Variants in GLDC observed in about 807,000 individuals in gnomAD.
GLDC encodes glycine decarboxylase, also known as glycine dehydrogenase (decarboxylating), mitochondrial.
Under a neutral mutation model 121.3 loss-of-function variants are expected in GLDC, and 104 were observed. The observed-to-expected ratio is 0.86, with a 90% CI of 0.73 to 1.01. GLDC has a LOEUF of 1.01. GLDC is among the 50% of genes least tolerant of loss of function. The pLI is 0.00. For synonymous variants in GLDC, 546 were observed against 480.6 expected, an observed-to-expected ratio of 1.14 and a Z score of -1.78; for missense variants, 1,429 against 1,306.6, an observed-to-expected ratio of 1.09 and a Z score of -1.44.
At chr9:6,537,745 A>G (rs557901558) in intron 22 of GLDC, among the ~76,000 whole-genome samples, 68 of 152,154 alleles carry the variant, frequency 4.5e-4, no homozygotes, top group African/African-American at 1.5e-3. Context: ...ACAACACTGC[A>G]CTCCAGCCTG....
At chr9:6,581,486 C>A (rs948083928) in intron 15 of GLDC, among the ~76,000 whole-genome samples, 1 of 152,236 alleles carries the variant, frequency 6.6e-6, no homozygotes, top group Non-Finnish European at 1.5e-5. Flanking sequence ...CACAAGCATA[C>A]CAGAGGCATA....
intron 3 of GLDC, among the ~76,000 whole-genome samples, chr9:6,617,197 C>T (rs1479446277): frequency 2.0e-5 from 3 of 152,106 alleles, no homozygotes; most frequent in African/African-American, 4.8e-5. Context: ...TCCCTATCAG[C>T]GCTGGTGGGG....
chr9:6,551,740 C>T (rs746576369), intron 20 of GLDC, among the ~76,000 whole-genome samples: 3 of 151,570 alleles, frequency 2.0e-5, no homozygotes, highest in East Asian at 3.9e-4. Flanking sequence ...AGAAGGTATA[C>T]CAGGTGAGAA....
intron 21 of GLDC, among the ~76,000 whole-genome samples, chr9:6,549,359 G>A (rs189262920): frequency 2.8e-5 from 4 of 143,490 alleles, no homozygotes; most frequent in East Asian, 2.3e-4. Flanking sequence ...GGGTGGGGTC[G>A]GGGGTGGGCA....
chr9:6,616,153 G>A (rs1818963670), intron 3 of GLDC, among the ~76,000 whole-genome samples: 1 of 151,988 alleles, frequency 6.6e-6, no homozygotes, highest in Admixed American at 6.6e-5. Flanking sequence ...AGTTTTTTTC[G>A]TTTTCATCTT....
intron 8 of GLDC, among the ~76,000 whole-genome samples, chr9:6,597,179 A>T (rs1336803231): frequency 1.3e-5 from 2 of 152,216 alleles, no homozygotes; most frequent in Non-Finnish European, 2.9e-5. Flanking sequence ...ATCCAGGGAG[A>T]CAGAAAGTAG....
At chr9:6,544,244 G>T (rs1267355355) in intron 21 of GLDC, among the ~76,000 whole-genome samples, 1 of 152,140 alleles carries the variant, frequency 6.6e-6, no homozygotes, top group African/African-American at 2.4e-5. Flanking sequence ...GTTTCCCCGA[G>T]AATGAGGTCA....
At chr9:6,611,832 T>A (rs927662316) in intron 3 of GLDC, among the ~76,000 whole-genome samples, 4 of 152,178 alleles carry the variant, frequency 2.6e-5, no homozygotes, top group African/African-American at 7.2e-5. Context: ...ATGTGTGTAT[T>A]CCTGCATGTG....
chr9:6,620,090 T>C (rs1030717536), intron 3 of GLDC, 94 bp downstream of exon 3: 2 of 1,218,532 alleles, frequency 1.6e-6, no homozygotes, highest in South Asian at 1.2e-5. Flanking sequence ...TGGGTGTCAG[T>C]GTGGAGGCTC....
intron 15 of GLDC, among the ~76,000 whole-genome samples, chr9:6,575,034 T>G (rs1449798140): frequency 1.3e-5 from 2 of 152,016 alleles, no homozygotes; most frequent in Non-Finnish European, 2.9e-5. Context: ...AGTTTTTTGC[T>G]TAAAAACTCT....
chr9:6,542,328 T>G (rs1455697334), intron 21 of GLDC: 1 of 152,244 alleles, frequency 6.6e-6, no homozygotes, highest in African/African-American at 2.4e-5. Flanking sequence ...AGCCTTGACC[T>G]CCTGGGCCCA....
chr9:6,608,484 T>C (rs373385749), intron 4 of GLDC, among the ~76,000 whole-genome samples: 1 of 149,628 alleles, frequency 6.7e-6, no homozygotes, highest in East Asian at 2.0e-4. Context: ...CTCACGCCTA[T>C]AATCCCAGCA....
At chr9:6,542,766 G>T (rs1224170793) in intron 21 of GLDC, among the ~76,000 whole-genome samples, 1 of 151,120 alleles carries the variant, frequency 6.6e-6, no homozygotes, top group Non-Finnish European at 1.5e-5. Flanking sequence ...CCTGCCTGTA[G>T]TACCAGCTAC....
intron 10 of GLDC, 55 bp downstream of exon 10, chr9:6,592,796 G>A (rs1233597144): frequency 7.9e-6 from 12 of 1,524,746 alleles, no homozygotes; most frequent in Non-Finnish European, 2.7e-6. Flanking sequence ...ACCTTTTAAT[G>A]AGAAACAATG....
intron 20 of GLDC, among the ~76,000 whole-genome samples, chr9:6,551,501 G>C (rs1817513387): frequency 6.6e-6 from 1 of 152,148 alleles, no homozygotes; most frequent in South Asian, 2.1e-4. Flanking sequence ...TCTTCCCAGA[G>C]TACCTCACAT....
At chr9:6,595,810 C>T (rs565371922) in intron 8 of GLDC, among the ~76,000 whole-genome samples, 2 of 152,246 alleles carry the variant, frequency 1.3e-5, no homozygotes, top group East Asian at 3.9e-4. Context: ...GCCCGGTTGA[C>T]AATACAAAAC....
chr9:6,605,930 A>G (rs2129900808), intron 5 of GLDC: 1 of 160,858 alleles, frequency 6.2e-6, no homozygotes, highest in Admixed American at 5.9e-5. Flanking sequence ...AAATCTTAAC[A>G]GTTGTATGTG....
At chr9:6,590,818 G>A (rs560856702) in intron 11 of GLDC, among the ~76,000 whole-genome samples, 1 of 152,294 alleles carries the variant, frequency 6.6e-6, no homozygotes, top group East Asian at 1.9e-4. Flanking sequence ...TACAGAGAAG[G>A]AGCTAACTCA....
intron 14 of GLDC, among the ~76,000 whole-genome samples, chr9:6,587,805 T>A (rs1393856490): frequency 6.6e-6 from 1 of 151,972 alleles, no homozygotes; most frequent in East Asian, 1.9e-4. Context: ...CTCTATTTTT[T>A]AAAAAAATAG....
Sources: allele counts gnomAD v4.1 joint callset (sites outside exome capture counted in the v4.1 genomes callset), GRCh38; gene constraint gnomAD v4.1.1; transcripts MANE v1.5; gene names NCBI Gene and HGNC (gene_info 2026-07-23, HGNC 2026-07-21).